TRAK1: variants seen among roughly 807,000 people sequenced by gnomAD.
TRAK1 encodes the protein trafficking kinesin protein 1.
Under a neutral mutation model 92.1 loss-of-function variants are expected in TRAK1, and 33 were observed. The observed-to-expected ratio is 0.36, with a 90% CI of 0.27 to 0.48. TRAK1 has a LOEUF of 0.48. Ranked by LOEUF, TRAK1 falls within the 20% of genes least tolerant of loss-of-function variation. TRAK1 has a pLI of 0.99. For synonymous variants in TRAK1, 521 were observed against 517.3 expected, an observed-to-expected ratio of 1.01 and a Z score of -0.10; for missense variants, 1,123 against 1,257.9, an observed-to-expected ratio of 0.89 and a Z score of 1.62.
Position 42,193,825 on chromosome 3 carries a change from G to A in TRAK1, c.902G>A (p.Cys301Tyr). 1 of 1,614,132 alleles carries A rather than the reference G, an allele frequency of 6.2e-7. No homozygotes were observed. The highest frequency in any genetic ancestry group is 8.5e-7 in the Non-Finnish European group (1 of 1,180,020). Residue 301 changes from cysteine (C) to tyrosine (Y), a missense_variant and splice_region_variant, in exon 9 of 16, where the codon TGC becomes TAC. Transcript: ENST00000327628. ...TGATCTATCTTTGCCATGCTTTAGT[G>A]CGCAGTGGAAAATGAAGAACTTGTC... ...IVDLQKKAKA[C>Y]AVENEELVQH...
rs200498059 is a variant in TRAK1 at position 42,193,789 on chromosome 3, A to G, written c.901-35A>G. 1.5e-3 allele frequency: 1,845 copies of G among 1,241,810 alleles called. 10 individuals are homozygous for G. The African/African-American group carries it at 0.024, about 16-fold the overall frequency. 76.9% of individuals were successfully genotyped at this position (1,241,810 alleles called of 1,614,324 possible). On this transcript the variant is annotated intron_variant, in intron 8 of 15. Transcript: ENST00000327628. ...GGAAAAAGTTGGACTTTTACCAAGTATCTTAGGAAGTGATCTATCTTTGCC... is the reference window on the plus strand; with the variant it reads ...GGAAAAAGTTGGACTTTTACCAAGTGTCTTAGGAAGTGATCTATCTTTGCC...
At chr3:42,156,192 T>C (rs546175194) in intron 2 of TRAK1, among the ~76,000 whole-genome samples, 1 of 152,262 alleles carries the variant, frequency 6.6e-6, no homozygotes, top group East Asian at 1.9e-4. Flanking sequence ...TCTTTGGGGG[T>C]TGTGTTTTGC....
chr3:42,105,985 C>A (rs1025186036), intron 1 of TRAK1, among the ~76,000 whole-genome samples: 30 of 152,236 alleles, frequency 2.0e-4, no homozygotes, highest in African/African-American at 7.2e-4. Flanking sequence ...ATTTTGTCAC[C>A]ACCAGGCCTG....
chr3:42,190,894 A>G (rs1705626039), intron 6 of TRAK1, among the ~76,000 whole-genome samples: 1 of 151,354 alleles, frequency 6.6e-6, no homozygotes, highest in South Asian at 2.1e-4. Context: ...CGGCCTCCCA[A>G]AGTGCTGGGA....
intron 1 of TRAK1, among the ~76,000 whole-genome samples, chr3:42,076,609 G>T (rs558575894): frequency 6.6e-6 from 1 of 152,218 alleles, no homozygotes; most frequent in African/African-American, 2.4e-5. Flanking sequence ...AGTTTCTTTT[G>T]CTGTGCAGAA....
At chr3:42,137,104 G>C (rs919850169) in intron 2 of TRAK1, among the ~76,000 whole-genome samples, 5 of 151,222 alleles carry the variant, frequency 3.3e-5, no homozygotes. Flanking sequence ...TTTTTTTTCT[G>C]CAACACATTT....
chr3:42,112,915 T>A (rs1215942862), intron 1 of TRAK1, among the ~76,000 whole-genome samples: 1 of 151,988 alleles, frequency 6.6e-6, no homozygotes, highest in African/African-American at 2.4e-5. Context: ...GGGCTACAGG[T>A]GTGTGCCACC....
upstream of TRAK1, among the ~76,000 whole-genome samples, chr3:42,013,204 C>A (rs917841760): frequency 6.6e-6 from 1 of 152,216 alleles, no homozygotes; most frequent in Non-Finnish European, 1.5e-5. The surrounding 1 kb of genome is among the most constrained non-coding windows in gnomAD (Gnocchi z 5.1). Flanking sequence ...CCGGCTCCAT[C>A]CTCCCTCCAT....
intron 10 of TRAK1, among the ~76,000 whole-genome samples, chr3:42,197,128 G>T (rs1706833370): frequency 6.6e-6 from 1 of 151,876 alleles, no homozygotes; most frequent in South Asian, 2.1e-4. Flanking sequence ...CCACAGACTT[G>T]CCTGGATTGC....
At chr3:42,048,873 T>G (rs896014108) in intron 1 of TRAK1, among the ~76,000 whole-genome samples, 2 of 151,978 alleles carry the variant, frequency 1.3e-5, no homozygotes, top group Non-Finnish European at 2.9e-5. Flanking sequence ...CCTGCCTCTG[T>G]CATTCTAAAT....
intron 1 of TRAK1, among the ~76,000 whole-genome samples, chr3:42,079,475 TTC>T (rs1300408690): frequency 1.7e-4 from 6 of 35,488 alleles, no homozygotes; most frequent in Middle Eastern, 0.015. Context: ...AAGCTCCTTC[TTC>T]TTTTTTTTTT....
chr3:42,169,690 G>A (rs958635078), intron 2 of TRAK1, among the ~76,000 whole-genome samples: 1 of 151,832 alleles, frequency 6.6e-6, no homozygotes, highest in Non-Finnish European at 1.5e-5. Flanking sequence ...AAAAAAAAGT[G>A]GGGATAAAAG....
intron 2 of TRAK1, among the ~76,000 whole-genome samples, chr3:42,171,029 G>A (rs958512905): frequency 6.6e-5 from 10 of 151,492 alleles, no homozygotes; most frequent in African/African-American, 1.7e-4. Flanking sequence ...GGATTTCACC[G>A]TGGTCTTGAT....
intron 3 of TRAK1, among the ~76,000 whole-genome samples, chr3:42,183,553 TAAAA>T (rs11293523): frequency 8.5e-6 from 1 of 117,348 alleles, no homozygotes; most frequent in Admixed American, 8.8e-5. Context: ...AGACTCTGTC[TAAAA>T]AAAAAAAAAA....
intron 15 of TRAK1, among the ~76,000 whole-genome samples, chr3:42,220,930 C>A (rs547730892): frequency 1.7e-4 from 26 of 152,260 alleles, no homozygotes; most frequent in Non-Finnish European, 2.9e-4. Flanking sequence ...TGGAACCAAG[C>A]TTCTCCCTAT....
chr3:42,085,007 G>A (rs1704606426), upstream of TRAK1, among the ~76,000 whole-genome samples: 1 of 151,956 alleles, frequency 6.6e-6, no homozygotes, highest in African/African-American at 2.4e-5. Context: ...ATTTATACAG[G>A]CTGAGTATGT....
chr3:42,112,938 T>C (rs1244102465), intron 1 of TRAK1, among the ~76,000 whole-genome samples: 1 of 152,000 alleles, frequency 6.6e-6, no homozygotes, highest in Non-Finnish European at 1.5e-5. Flanking sequence ...ACTTGGATTT[T>C]TAATTTTTTT....
At chr3:42,086,473 T>C (rs1367397760), upstream of TRAK1, among the ~76,000 whole-genome samples, 1 of 149,442 alleles carries the variant, frequency 6.7e-6, no homozygotes, top group Non-Finnish European at 1.5e-5. Context: ...ACCTGACTAA[T>C]TTTTTTTTTG....
chr3:42,032,480 G>GAAAAA lies in TRAK1; in HGVS notation c.-519+18375_-519+18379dup, dbSNP rs57423237. The stretch of plus-strand genomic sequence containing the variant: ...AAATACACCCGGAGTGGGTCAACCT[G>GAAAAA]AAAAAAAAAAAAAAAACCATCTTTG... On this transcript the variant is annotated intron_variant, in intron 1 of 16. Coordinates refer to the TRAK1 transcript ENST00000487159. Among the ~76,000 whole-genome samples, 199 of 120,866 alleles carry GAAAAA rather than the reference G, an allele frequency of 1.6e-3. 5 individuals carry two copies. Among genetic ancestry groups the GAAAAA allele is most frequent in the African/African-American group, 5.1e-3 (184 of 36,096 alleles). 79.3% of individuals were successfully genotyped at this position (120,866 alleles called of 152,430 possible).
Sources: allele counts gnomAD v4.1 joint callset (sites outside exome capture counted in the v4.1 genomes callset), GRCh38; gene constraint gnomAD v4.1.1; non-coding constraint Gnocchi (gnomAD v3.1); transcripts MANE v1.5; gene names NCBI Gene and HGNC (gene_info 2026-07-23, HGNC 2026-07-21).